PRPH: variants seen among roughly 807,000 people sequenced by gnomAD.
PRPH encodes neurofilament 4 (57kD).
Under a neutral mutation model 52.6 loss-of-function variants are expected in PRPH, and 48 were observed. The observed-to-expected ratio is 0.91, with a 90% CI of 0.72 to 1.16. PRPH has a LOEUF of 1.16. Ranked by LOEUF, PRPH falls within the 50% of genes most tolerant of loss-of-function variation. PRPH has a pLI of 0.00. For synonymous variants in PRPH, 279 were observed against 283.8 expected, an observed-to-expected ratio of 0.98 and a Z score of 0.17; for missense variants, 579 against 635.7, an observed-to-expected ratio of 0.91 and a Z score of 0.96.
At position 49,295,505 on chromosome 12, in the gene PRPH, A is replaced by C; in HGVS notation, c.305A>C (p.Gln102Pro). 3.1e-6 allele frequency: 5 copies of C among 1,607,096 alleles called. No homozygotes were observed. Among genetic ancestry groups the C allele is most frequent in the Non-Finnish European group, 4.2e-6 (5 of 1,177,186 alleles). ...CGCAGCAACGAGAAGCAGGAGCTGC[A>C]GGAGCTCAACGACCGCTTCGCCAAC... is the stretch of plus-strand genomic sequence containing the variant. Reference protein sequence around the residue: ...ATRSNEKQELQELNDRFANFI... With the variant: ...ATRSNEKQELPELNDRFANFI... Residue 102 changes from glutamine to proline, a missense_variant, in exon 1 of 9, where the codon CAG becomes CCG. Physicochemically the swap from Gln to Pro is moderately conservative, Grantham distance 76 (BLOSUM62 -1). Coordinates refer to ENST00000257860, the MANE Select transcript of PRPH (RefSeq NM_006262.4).
Position 49,298,512 on chromosome 12 carries a change from G to A in PRPH, c.*159G>A, listed in dbSNP as rs1295729631. On this transcript the variant is annotated 3_prime_UTR_variant, in exon 9 of 9. Coordinates refer to ENST00000257860, the MANE Select transcript of PRPH (RefSeq NM_006262.4). ...GCCAAGCCCTACCCGGCCAGCAGTC[G>A]CTGGGCCTCTCCCTGCCCTGACACT... 4 of 725,244 alleles carry A rather than the reference G, an allele frequency of 5.5e-6. No homozygotes were observed. The highest frequency in any genetic ancestry group is 7.1e-6 in the Non-Finnish European group (3 of 423,158). The allele number at this position is 725,244 out of a possible 1,614,324, so 44.9% of individuals were successfully genotyped here. A position where few individuals can be genotyped will look rare whatever the true frequency, so the allele number is the denominator to read the frequency against.
In PRPH at chr12:49,296,238, G is replaced by A; in HGVS notation, c.606G>A (p.Lys202=). The change falls in exon 2 of 9, where the codon AAG becomes AAA. Residue 202 remains lysine, a splice_region_variant and synonymous_variant. Coordinates refer to ENST00000257860, the MANE Select transcript of PRPH (RefSeq NM_006262.4). The surrounding 1 kb of genome is among the most constrained non-coding windows in gnomAD (Gnocchi z 5.1). ...AGCACAACCTCGTGCTCTTCCGCAAGGTGAGTCCGAGCCCCTCTCCGAGTT... is the reference window on the plus strand; with the variant it reads ...AGCACAACCTCGTGCTCTTCCGCAAAGTGAGTCCGAGCCCCTCTCCGAGTT... The part of the protein sequence containing the change: ...DAEHNLVLFR[K]DVDDATLSRL... The A allele has an allele frequency of 6.2e-7, 1 of 1,613,064 alleles. No individual in the cohort carries two copies.
chr12:49,296,507 C>G lies in PRPH; in HGVS notation c.682C>G (p.Leu228Val). Reference sequence around the variant, plus strand: ...GTCTCTGATGGATGAGATTGAGTTCCTCAAGAAGCTGCACGAGGAGGTAAG... The same window carrying G: ...GTCTCTGATGGATGAGATTGAGTTCGTCAAGAAGCTGCACGAGGAGGTAAG... ...IESLMDEIEF[L>V]KKLHEEELRD... is the part of the protein sequence containing the mutation. Residue 228 changes from leucine to valine, a missense_variant, in exon 3 of 9, where the codon CTC becomes GTC. Coordinates refer to ENST00000257860, the MANE Select transcript of PRPH (RefSeq NM_006262.4). This position sits in a 1 kb window ranked among gnomAD's most constrained non-coding sequence, Gnocchi z 5.1. 1.2e-6 allele frequency: 2 copies of G among 1,614,162 alleles called. No individual in the cohort carries two copies. Among genetic ancestry groups the G allele is most frequent in the Non-Finnish European group, 1.7e-6 (2 of 1,180,030 alleles).
Position 49,296,833 on chromosome 12 carries a change from C to A in PRPH, c.703-56C>A. The A allele has an allele frequency of 6.4e-7, 1 of 1,566,338 alleles. No homozygotes were observed. Among genetic ancestry groups the A allele is most frequent in the Admixed American group, 1.9e-5 (1 of 53,990 alleles). On this transcript the variant is annotated intron_variant, in intron 3 of 8. Transcript: ENST00000257860. The surrounding 1 kb of genome is among the most constrained non-coding windows in gnomAD (Gnocchi z 5.1). ...TCTTCTCTTTTCTGTGCACGAACTG[C>A]GTGGCCCGCGTGGAATTTGCGCCGC... is the stretch of plus-strand genomic sequence containing the variant.
In PRPH at chr12:49,296,801, A is replaced by G; in HGVS notation, c.703-88A>G. ...CCCTGGCGCCCACTTCTGTTCGTTC[A>G]AGCGTTTCTTCTCTTTTCTGTGCAC... is the stretch of plus-strand genomic sequence containing the variant. On this transcript the variant is annotated intron_variant, in intron 3 of 8. Transcript: ENST00000257860. The surrounding 1 kb of genome is among the most constrained non-coding windows in gnomAD (Gnocchi z 5.1). 1.3e-6 allele frequency: 2 copies of G among 1,535,522 alleles called. No homozygotes were observed. The highest frequency in any genetic ancestry group is 2.7e-5 in the African/African-American group (2 of 72,868).
chr12:49,295,590 C>T lies in PRPH; in HGVS notation c.390C>T (p.Ser130=). ...ACGCGGCCCTGCGCGGGGAGCTGAG[C>T]CAAGCCCGGGGCCAGGAGCCGGCGC... ...QQNAALRGEL[S]QARGQEPARA... is the part of the protein sequence containing the mutation. Residue 130 remains serine, a synonymous_variant, in exon 1 of 9, where the codon AGC becomes AGT. Transcript: ENST00000257860. 1 of 1,556,276 alleles carries T rather than the reference C, an allele frequency of 6.4e-7. No homozygotes were observed. Among genetic ancestry groups the T allele is most frequent in the Non-Finnish European group, 8.7e-7 (1 of 1,150,500 alleles).
Position 49,298,470 on chromosome 12 carries a change from C to A in PRPH, c.*117C>A. The A allele has an allele frequency of 1.7e-6, 2 of 1,192,260 alleles. No individual in the cohort carries two copies. Among genetic ancestry groups the A allele is most frequent in the Non-Finnish European group, 2.4e-6 (2 of 823,118 alleles). The allele number at this position is 1,192,260 out of a possible 1,614,324, so 73.9% of individuals were successfully genotyped here. ...GTGTCTAAAAGGTGGTACCAGGCAT[C>A]CCTTTCCTGGCTTATGGCCAAGCCC... On this transcript the variant is annotated 3_prime_UTR_variant, in exon 9 of 9. Transcript: ENST00000257860.
Position 49,295,475 on chromosome 12 carries a change from C to A in PRPH, c.275C>A (p.Ala92Asp). The A allele has an allele frequency of 1.2e-6, 2 of 1,609,084 alleles. No individual in the cohort carries two copies. The highest frequency in any genetic ancestry group is 1.1e-5 in the South Asian group (1 of 90,228). Reference sequence around the variant, plus strand: ...GAGGCCCTCAACCAGGAGTTCCTGGCCACGCGCAGCAACGAGAAGCAGGAG... The same window carrying A: ...GAGGCCCTCAACCAGGAGTTCCTGGACACGCGCAGCAACGAGAAGCAGGAG... The part of the protein sequence containing the change: ...MAEALNQEFL[A>D]TRSNEKQELQ... Residue 92 changes from alanine to aspartate, a missense_variant, in exon 1 of 9, where the codon GCC becomes GAC. By Grantham distance (126) the Ala-to-Asp change is moderately radical (BLOSUM62 -2). Transcript: ENST00000257860.
chr12:49,298,425 T>C lies in PRPH; in HGVS notation c.*72T>C, dbSNP rs1361463198. ...CCAAACCCTAAGACCACTCCTGAATTGTCTCCTCTCCCTCTGCATGTGTCT... is the reference window on the plus strand; with the variant it reads ...CCAAACCCTAAGACCACTCCTGAATCGTCTCCTCTCCCTCTGCATGTGTCT... On this transcript the variant is annotated 3_prime_UTR_variant, in exon 9 of 9. Transcript: ENST00000257860. 1 of 1,497,094 alleles carries C rather than the reference T, an allele frequency of 6.7e-7. No individual in the cohort carries two copies. The highest frequency in any genetic ancestry group is 9.3e-7 in the Non-Finnish European group (1 of 1,077,130). The allele number at this position is 1,497,094 out of a possible 1,614,324, so 92.7% of individuals were successfully genotyped here. A position where few individuals can be genotyped will look rare whatever the true frequency, so the allele number is the denominator to read the frequency against.
At chr12:49,295,972 G>A in intron 1 of PRPH, 1 of 1,421,096 alleles carries the variant, frequency 7.0e-7, no homozygotes, top group Non-Finnish European at 9.3e-7. Context: ...GGGTATCTGT[G>A]CCTCCCCTGA....
rs1364774068 is a variant in PRPH at position 49,295,681 on chromosome 12, G to A, written c.481G>A (p.Glu161Lys). ...GCGAGAGCTGGAGCTGTTGGGCCGC[G>A]AGCGTGACCGGGTGCAGGTGGAGCG... ...LRRELELLGRERDRVQVERDG... is the reference protein window; with the variant it reads ...LRRELELLGRKRDRVQVERDG... The change falls in exon 1 of 9, where the codon GAG becomes AAG. Residue 161 changes from glutamate to lysine, a missense_variant. Glu to Lys is a moderately conservative substitution (Grantham distance 56). Coordinates refer to ENST00000257860, the MANE Select transcript of PRPH (RefSeq NM_006262.4). 3 of 1,533,910 alleles carry A rather than the reference G, an allele frequency of 2.0e-6. No individual in the cohort carries two copies. Among genetic ancestry groups the A allele is most frequent in the African/African-American group, 2.8e-5 (2 of 72,548 alleles).
chr12:49,296,227 C>T lies in PRPH; in HGVS notation c.595C>T (p.Leu199Phe), dbSNP rs550236164. Reference sequence around the variant, plus strand: ...GGAGGACGCGGAGCACAACCTCGTGCTCTTCCGCAAGGTGAGTCCGAGCCC... The same window carrying T: ...GGAGGACGCGGAGCACAACCTCGTGTTCTTCCGCAAGGTGAGTCCGAGCCC... ...KREDAEHNLV[L>F]FRKDVDDATL... Residue 199 changes from leucine to phenylalanine, a missense_variant, in exon 2 of 9, where the codon CTC (leucine) becomes TTC (phenylalanine). Leu to Phe is a conservative substitution (Grantham distance 22). Coordinates refer to ENST00000257860, the MANE Select transcript of PRPH (RefSeq NM_006262.4). This position sits in a 1 kb window ranked among gnomAD's most constrained non-coding sequence, Gnocchi z 5.1. 6.2e-7 allele frequency: 1 copy of T among 1,613,202 alleles called. No individual in the cohort carries two copies. Among genetic ancestry groups the T allele is most frequent in the South Asian group, 1.1e-5 (1 of 90,962 alleles).
In PRPH at chr12:49,296,996, G is replaced by T. The variant is rs1370236675; in HGVS notation, c.810G>T (p.Ala270=). The T allele has an allele frequency of 1.2e-6, 2 of 1,613,784 alleles. No homozygotes were observed. Among genetic ancestry groups the T allele is most frequent in the Non-Finnish European group, 1.7e-6 (2 of 1,179,990 alleles). The change falls in exon 4 of 9, where the codon GCG becomes GCT. Residue 270 remains alanine, a synonymous_variant. Coordinates refer to ENST00000257860, the MANE Select transcript of PRPH (RefSeq NM_006262.4). This position sits in a 1 kb window ranked among gnomAD's most constrained non-coding sequence, Gnocchi z 5.1. ...CGGCAGCGCTGAGGGACATCCGCGC[G>T]CAGTACGAGAGCATCGCCGCGAAGA... The part of the protein sequence containing the change: ...ELTAALRDIR[A]QYESIAAKNL...
In PRPH at chr12:49,296,771, GC is replaced by G. The variant is rs920930292; in HGVS notation, c.703-115del. On this transcript the variant is annotated intron_variant, in intron 3 of 8. Transcript: ENST00000257860. This position sits in a 1 kb window ranked among gnomAD's most constrained non-coding sequence, Gnocchi z 5.1. ...GCGGGGGCGCAGGGCTGTACGCCCT[GC>G]CCTCCCTGGCGCCCACTTCTGTTCG... The G allele has an allele frequency of 1.3e-5, 19 of 1,467,406 alleles. No homozygotes were observed. The African/African-American group carries it at 2.7e-4, about 21-fold the overall frequency. The allele number at this position is 1,467,406 out of a possible 1,614,324, so 90.9% of individuals were successfully genotyped here. A position where few individuals can be genotyped will look rare whatever the true frequency, so the allele number is the denominator to read the frequency against.
At position 49,295,586 on chromosome 12, in the gene PRPH, T is replaced by A; in HGVS notation, c.386T>A (p.Leu129Gln). The A allele has an allele frequency of 6.4e-7, 1 of 1,558,436 alleles. No homozygotes were observed. Among genetic ancestry groups the A allele is most frequent in the Non-Finnish European group, 8.7e-7 (1 of 1,151,640 alleles). ...CAGAACGCGGCCCTGCGCGGGGAGC[T>A]GAGCCAAGCCCGGGGCCAGGAGCCG... is the stretch of plus-strand genomic sequence containing the variant. ...EQQNAALRGE[L>Q]SQARGQEPAR... is the part of the protein sequence containing the mutation. The change falls in exon 1 of 9, where the codon CTG becomes CAG. Residue 129 changes from leucine (L) to glutamine (Q), a missense_variant. Transcript: ENST00000257860.
At position 49,297,119 on chromosome 12, in the gene PRPH, C is replaced by G; in HGVS notation, c.871-29C>G. ...GGGTGGTGTCGCGCGTCCCAGCCGA[C>G]TAAAGCCTGGGTTACCCCCACTTCT... is the stretch of plus-strand genomic sequence containing the variant. On this transcript the variant is annotated intron_variant, in intron 4 of 8. Coordinates refer to ENST00000257860, the MANE Select transcript of PRPH (RefSeq NM_006262.4). The surrounding 1 kb of genome is among the most constrained non-coding windows in gnomAD (Gnocchi z 4.4). 2 of 1,613,972 alleles carry G rather than the reference C, an allele frequency of 1.2e-6. No individual in the cohort carries two copies. Among genetic ancestry groups the G allele is most frequent in the Non-Finnish European group, 1.7e-6 (2 of 1,179,980 alleles).
Position 49,298,340 on chromosome 12 carries a change from C to T in PRPH, c.1400C>T (p.Ala467Val), listed in dbSNP as rs761025113. The T allele has an allele frequency of 6.2e-7, 1 of 1,614,156 alleles. No individual in the cohort carries two copies. Among genetic ancestry groups the T allele is most frequent in the Admixed American group, 1.7e-5 (1 of 60,016 alleles). Reference protein sequence around the residue: ...EQRSELDKSSAHSY With the variant: ...EQRSELDKSSVHSY ...CGCAGTGAGCTGGACAAGTCTTCTGCCCACAGTTACTGAACCCCTTGGTCC... is the reference window on the plus strand; with the variant it reads ...CGCAGTGAGCTGGACAAGTCTTCTGTCCACAGTTACTGAACCCCTTGGTCC... Residue 467 changes from alanine (A) to valine (V), a missense_variant, in exon 9 of 9, where the codon GCC (alanine) becomes GTC (valine). Ala to Val is a moderately conservative substitution (Grantham distance 64, BLOSUM62 0). Transcript: ENST00000257860.
chr12:49,296,762 G>A lies in PRPH; in HGVS notation c.703-127G>A. On this transcript the variant is annotated intron_variant, in intron 3 of 8. Transcript: ENST00000257860. This position sits in a 1 kb window ranked among gnomAD's most constrained non-coding sequence, Gnocchi z 5.1. Reference sequence around the variant, plus strand: ...CTCGCGCCCGCGGGGGCGCAGGGCTGTACGCCCTGCCCTCCCTGGCGCCCA... The same window carrying A: ...CTCGCGCCCGCGGGGGCGCAGGGCTATACGCCCTGCCCTCCCTGGCGCCCA... The A allele has an allele frequency of 2.1e-6, 3 of 1,426,468 alleles. No individual in the cohort carries two copies. Among genetic ancestry groups the A allele is most frequent in the African/African-American group, 1.4e-5 (1 of 70,684 alleles). 88.4% of individuals were successfully genotyped at this position (1,426,468 alleles called of 1,614,324 possible).
chr12:49,296,032 G>A lies in PRPH; in HGVS notation c.546-146G>A. 1 of 1,325,856 alleles carries A rather than the reference G, an allele frequency of 7.5e-7. No homozygotes were observed. The allele number at this position is 1,325,856 out of a possible 1,614,324, so 82.1% of individuals were successfully genotyped here. A position where few individuals can be genotyped will look rare whatever the true frequency, so the allele number is the denominator to read the frequency against. On this transcript the variant is annotated intron_variant, in intron 1 of 8. Transcript: ENST00000257860. The surrounding 1 kb of genome is among the most constrained non-coding windows in gnomAD (Gnocchi z 5.1). The stretch of plus-strand genomic sequence containing the variant: ...CTCCCAGTCCGTTAGAGACAATGCG[G>A]GGCAATTCCATTAGACAGCCTCAGC...
Sources: gnomAD v4.1 joint callset for allele counts on GRCh38, gnomAD v4.1.1 for gene constraint, Gnocchi (gnomAD v3.1) non-coding constraint, MANE v1.5 for transcripts, NCBI Gene and HGNC (gene_info 2026-07-23, HGNC 2026-07-21) for gene names.